Variants in NECTIN2 observed in about 807,000 individuals in gnomAD.
NECTIN2 encodes the protein nectin-2.
Under a neutral mutation model 56.9 loss-of-function variants are expected in NECTIN2, and 23 were observed. That is an observed-to-expected ratio of 0.40 (90% confidence interval 0.29 to 0.57). The LOEUF (loss-of-function observed/expected upper bound fraction) is 0.57, where lower values mean the gene tolerates loss of function less well. NECTIN2 is among the 20% of genes least tolerant of loss of function. The pLI is 0.38. For missense variants in NECTIN2, 587 were observed against 718.3 expected (o/e 0.82, Z 2.09); for synonymous variants, 302 against 313.8 (o/e 0.96, Z 0.40).
In NECTIN2 at chr19:44,865,224, G is replaced by T; in HGVS notation, c.89-47G>T. The T allele has an allele frequency of 3.9e-6, 6 of 1,542,314 alleles. No homozygotes were observed. Among genetic ancestry groups the T allele is most frequent in the African/African-American group, 1.4e-5 (1 of 73,606 alleles). On this transcript the variant is annotated intron_variant, in intron 1 of 8. Transcript: ENST00000252483. The surrounding 1 kb of genome is among the most constrained non-coding windows in gnomAD (Gnocchi z 5.2). ...TGGTGGCCCTGCCTGGAGGTGTCTG[G>T]GTCCCTCCCCCACCCGACTACTTCA...
At chr19:44,884,125 G>T (rs369596951) in intron 6 of NECTIN2, among the ~76,000 whole-genome samples, 85 of 151,472 alleles carry the variant, frequency 5.6e-4, no homozygotes, top group African/African-American at 2.1e-3. Flanking sequence ...AAAAAGAAAA[G>T]AAAAATAGCT....
intron 5 of NECTIN2, chr19:44,878,751 T>G (rs1969273951): frequency 6.9e-7 from 1 of 1,447,248 alleles, no homozygotes; most frequent in Non-Finnish European, 9.1e-7. Context: ...CCTCCCACTT[T>G]CTTGGGACTT....
At position 44,846,504 on chromosome 19, in the gene NECTIN2, CCA is replaced by C. The variant is rs1309563287; in HGVS notation, c.-21_-20del. 2.7e-6 allele frequency: 4 copies of C among 1,479,740 alleles called. No individual in the cohort carries two copies. The African/African-American group carries it at 5.9e-5, about 22-fold the overall frequency. The allele number at this position is 1,479,740 out of a possible 1,614,324, so 91.7% of individuals were successfully genotyped here. ...GTGGCCCGCGGGCCTCCGGCCGGGC[CCA>C]GTCCCCTCCCGGGCCCTCCATGGCC... On this transcript the variant is annotated 5_prime_UTR_variant, in exon 1 of 9. Coordinates refer to ENST00000252483, the MANE Select transcript of NECTIN2 (RefSeq NM_001042724.2).
intron 1 of NECTIN2, among the ~76,000 whole-genome samples, chr19:44,858,844 T>C (rs1216610437): frequency 6.6e-6 from 1 of 151,538 alleles, no homozygotes; most frequent in Non-Finnish European, 1.5e-5. Context: ...GGTTTTGCCA[T>C]GTTGGCCAGT....
At chr19:44,858,360 A>G (rs931729876) in intron 1 of NECTIN2, among the ~76,000 whole-genome samples, 12 of 151,282 alleles carry the variant, frequency 7.9e-5, no homozygotes, top group African/African-American at 2.9e-4. Flanking sequence ...TTTTTCTTTT[A>G]AGGTAGGCAG....
chr19:44,878,281 G>A (rs1273522675), intron 5 of NECTIN2: 2 of 1,226,638 alleles, frequency 1.6e-6, no homozygotes. Context: ...CCGTGGGGGG[G>A]ACACTGCTGG....
intron 1 of NECTIN2, among the ~76,000 whole-genome samples, chr19:44,852,509 A>T (rs117096688): frequency 4.8e-5 from 7 of 145,568 alleles, no homozygotes; most frequent in Non-Finnish European, 7.5e-5. Context: ...AGCCCGAGAC[A>T]GAGCAAGACT....
intron 6 of NECTIN2, 24 bp from the exon 7 acceptor site, chr19:44,885,913 C>G: frequency 6.5e-7 from 1 of 1,541,114 alleles, no homozygotes; most frequent in Non-Finnish European, 9.0e-7. Context: ...TTAATCTCCA[C>G]TTGTCCTACC....
intron 5 of NECTIN2, among the ~76,000 whole-genome samples, chr19:44,877,905 C>T (rs1182771696): frequency 2.0e-5 from 3 of 152,272 alleles, no homozygotes; most frequent in South Asian, 2.1e-4. Flanking sequence ...TAAGTGAAAT[C>T]GCCTGATTTT....
Position 44,883,423 on chromosome 19 carries a change from C to T in NECTIN2, c.1196+1059C>T, listed in dbSNP as rs531043165. ...TCGAGTAGCTGGGATTACAGATGCG[C>T]GCCACCACGCCCGGCTAATTTTTGT... On this transcript the variant is annotated intron_variant, in intron 6 of 8. Coordinates refer to ENST00000252483, the MANE Select transcript of NECTIN2 (RefSeq NM_001042724.2). Among the ~76,000 whole-genome samples, 15 of 152,246 alleles carry T rather than the reference C, an allele frequency of 9.9e-5. No homozygotes were observed. In the East Asian group the frequency reaches 2.1e-3, roughly 22 times the overall value.
Position 44,871,849 on chromosome 19 carries a change from C to T in NECTIN2, c.479-4C>T. The T allele has an allele frequency of 1.2e-6, 2 of 1,610,622 alleles. No individual in the cohort carries two copies. Among genetic ancestry groups the T allele is most frequent in the Non-Finnish European group, 1.7e-6 (2 of 1,177,056 alleles). On this transcript the variant is annotated splice_polypyrimidine_tract_variant and splice_region_variant and intron_variant, in intron 2 of 8. Transcript: ENST00000252483. ...TGACGCACCCCCTCTCCTCCTCTCCCCAGCCAAGCCCAAGAACCAAGCTGA... is the reference window on the plus strand; with the variant it reads ...TGACGCACCCCCTCTCCTCCTCTCCTCAGCCAAGCCCAAGAACCAAGCTGA...
At chr19:44,869,195 G>C (rs2122676777) in intron 2 of NECTIN2, among the ~76,000 whole-genome samples, 1 of 152,152 alleles carries the variant, frequency 6.6e-6, no homozygotes, top group African/African-American at 2.4e-5. Context: ...CTTCAGGGCT[G>C]GGCACGGTGG....
chr19:44,862,415 AAAAAAAAAAAAG>A (rs201131935), intron 1 of NECTIN2, among the ~76,000 whole-genome samples: 22,919 of 147,012 alleles, frequency 0.16, 1,967 homozygotes, highest in African/African-American at 0.22. Flanking sequence ...ACTCCGTCTC[AAAAAAAAAAAAG>A]AAAAGAAAAA....
intron 1 of NECTIN2, among the ~76,000 whole-genome samples, chr19:44,858,317 G>A (rs3852856): frequency 0.17 from 26,016 of 149,392 alleles, 2,363 homozygotes; most frequent in Middle Eastern, 0.33. Flanking sequence ...TTCAGTCTTC[G>A]CTGATGGCTT....
chr19:44,854,899 G>T (rs1968945781), intron 1 of NECTIN2, among the ~76,000 whole-genome samples: 1 of 152,062 alleles, frequency 6.6e-6, no homozygotes, highest in African/African-American at 2.4e-5. Flanking sequence ...TCCCAGGCGG[G>T]CGGATCACGA....
chr19:44,886,078 A>G, intron 7 of NECTIN2, 55 bp from the exon 8 acceptor site: 1 of 1,572,272 alleles, frequency 6.4e-7, no homozygotes, highest in Non-Finnish European at 8.8e-7. Flanking sequence ...GGCAGGGAGA[A>G]GCTGGCTGGG....
At chr19:44,881,066 G>A (rs953349289) in intron 5 of NECTIN2, among the ~76,000 whole-genome samples, 5 of 118,378 alleles carry the variant, frequency 4.2e-5, no homozygotes, top group Middle Eastern at 9.3e-3. Context: ...GAGCCAACGC[G>A]CCCGGCTAGC....
chr19:44,846,756 G>T, intron 1 of NECTIN2, 143 bp downstream of exon 1: 1 of 883,422 alleles, frequency 1.1e-6, no homozygotes, highest in Non-Finnish European at 1.6e-6. Flanking sequence ...TGGCCCCACA[G>T]ACTCCGACCC....
At chr19:44,879,757 C>T (rs1033952168) in intron 5 of NECTIN2, among the ~76,000 whole-genome samples, 2 of 152,144 alleles carry the variant, frequency 1.3e-5, no homozygotes, top group Non-Finnish European at 2.9e-5. Context: ...GTGTTTCCAT[C>T]GGCCTCACAA....
Sources: allele counts gnomAD v4.1 joint callset (sites outside exome capture counted in the v4.1 genomes callset), GRCh38; gene constraint gnomAD v4.1.1; non-coding constraint Gnocchi (gnomAD v3.1); transcripts MANE v1.5; gene names NCBI Gene and HGNC (gene_info 2026-07-23, HGNC 2026-07-21).